The following MSI1 variants were observed in gnomAD, a reference collection of about 807,000 sequenced individuals.
The protein encoded by MSI1 is musashi RNA binding protein 1.
Under a neutral mutation model 54.4 loss-of-function variants are expected in MSI1, and 15 were observed. The observed-to-expected ratio is 0.28, with a 90% CI of 0.18 to 0.42. The LOEUF is 0.42. MSI1 is among the 20% of genes least tolerant of loss of function. The probability of loss-of-function intolerance (pLI) is 1.00; values close to 1 mark genes in which losing one functional copy is unlikely to be tolerated. For missense variants in MSI1, 304 were observed against 506.0 expected (o/e 0.60, Z 3.83); for synonymous variants, 200 against 196.5 (o/e 1.02, Z -0.15).
chr12:120,363,800 C>CT (rs1438429102), intron 5 of MSI1, among the ~76,000 whole-genome samples: 1 of 152,202 alleles, frequency 6.6e-6, no homozygotes, highest in Non-Finnish European at 1.5e-5. Context: ...AGAGATGCCC[C>CT]TTTCCTGTCT....
chr12:120,348,557 T>C (rs1874332125), intron 11 of MSI1, among the ~76,000 whole-genome samples: 2 of 150,986 alleles, frequency 1.3e-5, no homozygotes, highest in African/African-American at 4.9e-5. Flanking sequence ...AAAAATATCT[T>C]TTTTTTTTTA....
Position 120,369,133 on chromosome 12 carries a change from G to A in MSI1, c.-42C>T, listed in dbSNP as rs1202848958. On this transcript the variant is annotated 5_prime_UTR_variant, in exon 1 of 15. Coordinates refer to ENST00000257552, the MANE Select transcript of MSI1 (RefSeq NM_002442.4). ...CGCGGGCAGCGGAGCGGCGGCGGCG[G>A]CGGCGGCGGCGGCGCTCGGCGCGGG... 2 of 1,001,490 alleles carry A rather than the reference G, an allele frequency of 2.0e-6. No homozygotes were observed. Among genetic ancestry groups the A allele is most frequent in the Non-Finnish European group, 2.4e-6 (2 of 845,244 alleles). The allele number at this position is 1,001,490 out of a possible 1,614,324, so 62.0% of individuals were successfully genotyped here. A position where few individuals can be genotyped will look rare whatever the true frequency, so the allele number is the denominator to read the frequency against.
chr12:120,347,372 C>A, intron 12 of MSI1, 74 bp downstream of exon 12: 2 of 1,539,242 alleles, frequency 1.3e-6, no homozygotes, highest in Non-Finnish European at 9.0e-7. Context: ...GTGGCAGTGG[C>A]CTTCTCCCCT....
chr12:120,365,722 G>A (rs2136988548), intron 4 of MSI1, among the ~76,000 whole-genome samples: 1 of 152,312 alleles, frequency 6.6e-6, no homozygotes, highest in Admixed American at 6.5e-5. Flanking sequence ...TAGGCTTGGG[G>A]CAAGGCAGAG....
chr12:120,347,994 T>C (rs2136908993), intron 11 of MSI1, among the ~76,000 whole-genome samples: 1 of 152,178 alleles, frequency 6.6e-6, no homozygotes, highest in East Asian at 1.9e-4. Context: ...TGCCCCCAGG[T>C]AGAGCGCTCT....
At chr12:120,353,871 C>T (rs961047370) in intron 9 of MSI1, among the ~76,000 whole-genome samples, 9 of 152,224 alleles carry the variant, frequency 5.9e-5, no homozygotes, top group Non-Finnish European at 1.2e-4. Context: ...TACAAGACTC[C>T]GAAACATCTT....
chr12:120,346,291 T>C lies in MSI1; in HGVS notation c.891A>G (p.Pro297=). Residue 297 remains proline, a synonymous_variant, in exon 13 of 15, where the codon CCA becomes CCG. Coordinates refer to ENST00000257552, the MANE Select transcript of MSI1 (RefSeq NM_002442.4). ...CCCCTGTGCGGCTGGGAGTCGAACCTGGAGGGGGAGCCATCGTCCAGGGGT... is the reference window on the plus strand; with the variant it reads ...CCCCTGTGCGGCTGGGAGTCGAACCCGGAGGGGGAGCCATCGTCCAGGGGT... ...GSHPWTMAPP[P]GSTPSRTGGF... 6.3e-7 allele frequency: 1 copy of C among 1,578,464 alleles called. No individual in the cohort carries two copies. The highest frequency in any genetic ancestry group is 8.6e-7 in the Non-Finnish European group (1 of 1,163,858).
chr12:120,357,985 CCTCT>C, intron 7 of MSI1, 87 bp from the exon 8 acceptor site: 1 of 1,109,322 alleles, frequency 9.0e-7, no homozygotes, highest in Non-Finnish European at 1.4e-6. Context: ...TATCCCCGCT[CCTCT>C]CTCTCTGGCG....
At chr12:120,364,690 C>A in intron 5 of MSI1, 24 bp downstream of exon 5, 1 of 1,573,948 alleles carries the variant, frequency 6.4e-7, no homozygotes, top group Non-Finnish European at 8.6e-7. Context: ...TAAGAGAGCT[C>A]CTCCCAGACA....
intron 8 of MSI1, among the ~76,000 whole-genome samples, 172 bp downstream of exon 8, chr12:120,357,644 T>C (rs946419136): frequency 2.6e-5 from 4 of 152,186 alleles, no homozygotes; most frequent in African/African-American, 9.7e-5. Flanking sequence ...TAGCTGGGAT[T>C]ACAGGCACGC....
intron 7 of MSI1, among the ~76,000 whole-genome samples, 177 bp from the exon 8 acceptor site, chr12:120,358,075 C>T (rs1204281737): frequency 6.6e-6 from 1 of 152,168 alleles, no homozygotes; most frequent in Non-Finnish European, 1.5e-5. Context: ...TTTCAAGTCC[C>T]AGAATACAGA....
intron 11 of MSI1, 24 bp from the exon 12 acceptor site, chr12:120,347,538 T>C (rs1204322321): frequency 2.5e-6 from 4 of 1,613,776 alleles, no homozygotes; most frequent in Admixed American, 3.3e-5. Context: ...GATGGGCACA[T>C]CAGCATGGCG....
At chr12:120,347,399 C>T in intron 12 of MSI1, 47 bp downstream of exon 12, 4 of 1,610,554 alleles carry the variant, frequency 2.5e-6, no homozygotes, top group Non-Finnish European at 3.4e-6. Context: ...GACTTCTCTG[C>T]TCCCTGTGCT....
chr12:120,353,722 C>T (rs538911996), intron 9 of MSI1, among the ~76,000 whole-genome samples: 5 of 152,338 alleles, frequency 3.3e-5, no homozygotes, highest in African/African-American at 9.6e-5. Context: ...TCCTCCCTCC[C>T]TCTGCTCCAG....
rs749051778 is a variant in MSI1 at position 120,368,056 on chromosome 12, C to T, written c.219G>A (p.Gly73=). ...GCGATTGCGCCAGCACTTTATCCACCCCCGCCTGGTCCATGAAAGTGACGA... is the reference window on the plus strand; with the variant it reads ...GCGATTGCGCCAGCACTTTATCCACTCCCGCCTGGTCCATGAAAGTGACGA... ...FGFVTFMDQA[G]VDKVLAQSRH... is the part of the protein sequence containing the mutation. Residue 73 remains glycine (G), a synonymous_variant, in exon 4 of 15, where the codon GGG becomes GGA. Coordinates refer to ENST00000257552, the MANE Select transcript of MSI1 (RefSeq NM_002442.4). This position sits in a 1 kb window ranked among gnomAD's most constrained non-coding sequence, Gnocchi z 6.6. 6.2e-7 allele frequency: 1 copy of T among 1,613,778 alleles called. No individual in the cohort carries two copies. The highest frequency in any genetic ancestry group is 8.5e-7 in the Non-Finnish European group (1 of 1,179,900).
At chr12:120,344,127 A>T (rs1873918832) in intron 14 of MSI1, among the ~76,000 whole-genome samples, 2 of 152,246 alleles carry the variant, frequency 1.3e-5, no homozygotes, top group South Asian at 4.2e-4. Flanking sequence ...AAGTGCTGGG[A>T]TTATAGGCGT....
Position 120,345,649 on chromosome 12 carries a change from T to G in MSI1, c.1048-17A>C. On this transcript the variant is annotated splice_polypyrimidine_tract_variant and intron_variant, in intron 13 of 14. Transcript: ENST00000257552. ...CAAAGGGCCCTGAAAAGGAAAGAATTTGACTCCTAGATTCCTGGGAAATAG... is the reference window on the plus strand; with the variant it reads ...CAAAGGGCCCTGAAAAGGAAAGAATGTGACTCCTAGATTCCTGGGAAATAG... 6.2e-7 allele frequency: 1 copy of G among 1,613,864 alleles called. No individual in the cohort carries two copies. The highest frequency in any genetic ancestry group is 8.5e-7 in the Non-Finnish European group (1 of 1,179,890).
chr12:120,351,527 G>A, intron 10 of MSI1, 127 bp from the exon 11 acceptor site: 1 of 754,726 alleles, frequency 1.3e-6, no homozygotes, highest in East Asian at 2.7e-5. Flanking sequence ...CCCAAGAGCT[G>A]GGGAGGGGGA....
At chr12:120,367,542 A>G (rs1876090937) in intron 4 of MSI1, among the ~76,000 whole-genome samples, 1 of 151,822 alleles carries the variant, frequency 6.6e-6, no homozygotes, top group African/African-American at 2.4e-5. Flanking sequence ...TCGGGGGAGG[A>G]GGGAAGGAGA....
Sources: allele counts gnomAD v4.1 joint callset (sites outside exome capture counted in the v4.1 genomes callset), GRCh38; gene constraint gnomAD v4.1.1; non-coding constraint Gnocchi (gnomAD v3.1); transcripts MANE v1.5; gene names NCBI Gene and HGNC (gene_info 2026-07-23, HGNC 2026-07-21).